Variants in TMEM132B observed in about 807,000 individuals in gnomAD.
TMEM132B encodes transmembrane protein 132B.
A neutral mutation model predicts 90.8 loss-of-function variants in TMEM132B; 18 were observed. The ratio of observed to expected loss-of-function variants is 0.20; its 90% CI spans 0.14 to 0.29. The LOEUF is 0.29. Among genes scored for constraint, TMEM132B ranks in the 10% least tolerant of loss-of-function variants. The probability of loss-of-function intolerance (pLI) is 1.00; values close to 1 mark genes in which losing one functional copy is unlikely to be tolerated. For missense variants in TMEM132B, 1,096 were observed against 1,326.8 expected, an observed-to-expected ratio of 0.83 and a Z score of 2.70; for synonymous variants, 504 against 523.3, an observed-to-expected ratio of 0.96 and a Z score of 0.50.
chr12:125,630,819 T>G, intron 5 of TMEM132B, among the ~76,000 whole-genome samples: 1 of 152,132 alleles, frequency 6.6e-6, no homozygotes, highest in East Asian at 1.9e-4. Context: ...TAGCTGACAC[T>G]TATAAGTGAG....
intron 1 of TMEM132B, among the ~76,000 whole-genome samples, chr12:125,272,061 C>G (rs1010057309): frequency 3.3e-5 from 5 of 152,206 alleles, no homozygotes; most frequent in African/African-American, 9.7e-5. Context: ...TGCTGTCTCC[C>G]GTCTAACAAG....
At chr12:125,205,962 G>A (rs907641481) in intron 1 of TMEM132B, among the ~76,000 whole-genome samples, 3 of 152,148 alleles carry the variant, frequency 2.0e-5, no homozygotes, top group Non-Finnish European at 4.4e-5. Flanking sequence ...TTAAGTCACC[G>A]AAAATGCCTC....
intron 4 of TMEM132B, among the ~76,000 whole-genome samples, chr12:125,549,329 G>T (rs1210158495): frequency 6.6e-6 from 1 of 152,222 alleles, no homozygotes; most frequent in Non-Finnish European, 1.5e-5. Context: ...CACGCTCTGA[G>T]GTCTCTAGAA....
At chr12:125,620,739 C>A (rs1363603847) in intron 5 of TMEM132B, among the ~76,000 whole-genome samples, 2 of 152,188 alleles carry the variant, frequency 1.3e-5, no homozygotes, top group African/African-American at 4.8e-5. Context: ...GCAAACAAAT[C>A]CTTCTTCACA....
chr12:125,334,995 C>T (rs756228204), intron 1 of TMEM132B, among the ~76,000 whole-genome samples: 34 of 152,184 alleles, frequency 2.2e-4, no homozygotes, highest in Non-Finnish European at 3.4e-4. Context: ...TGTCCCTGCC[C>T]GCTGAGATCA....
intron 1 of TMEM132B, among the ~76,000 whole-genome samples, chr12:125,285,793 C>T (rs372175108): frequency 2.5e-4 from 38 of 152,312 alleles, no homozygotes; most frequent in African/African-American, 8.4e-4. Flanking sequence ...TGGGGCGTCG[C>T]CAAGTGGCCA....
chr12:125,515,487 TCAC>T (rs1883114798), intron 3 of TMEM132B, among the ~76,000 whole-genome samples: 1 of 90,524 alleles, frequency 1.1e-5, no homozygotes, highest in African/African-American at 3.8e-5. Context: ...ATTGTCACAC[TCAC>T]ACACATACAT....
intron 2 of TMEM132B, among the ~76,000 whole-genome samples, chr12:125,350,695 T>C (rs1387387189): frequency 3.5e-4 from 54 of 152,230 alleles, no homozygotes; most frequent in Admixed American, 3.5e-3. Flanking sequence ...GATTTTATCT[T>C]CCCACAGAGG....
Position 125,345,430 on chromosome 12 carries a change from T to C in TMEM132B, c.68-4022T>C, listed in dbSNP as rs114399264. 8.4e-3 allele frequency among the ~76,000 whole-genome samples: 1,278 copies of C among 152,304 alleles called. 18 individuals are homozygous for C. Among genetic ancestry groups the C allele is most frequent in the African/African-American group, 0.029 (1,215 of 41,568 alleles). ...TCCCACCAGTGCTGACTAAGGTCCATGTCCAGGAATGTTTTTTGTGTGCTA... is the reference window on the plus strand; with the variant it reads ...TCCCACCAGTGCTGACTAAGGTCCACGTCCAGGAATGTTTTTTGTGTGCTA... On this transcript the variant is annotated intron_variant, in intron 1 of 8. Coordinates refer to ENST00000682704, the MANE Select transcript of TMEM132B (RefSeq NM_001366854.1).
intron 7 of TMEM132B, 47 bp from the exon 8 acceptor site, chr12:125,652,394 T>A: frequency 6.6e-7 from 1 of 1,506,100 alleles, no homozygotes; most frequent in South Asian, 1.3e-5. Flanking sequence ...GGATTCATGG[T>A]GCTCATGAGG....
chr12:125,322,209 A>G (rs1469236893), intron 1 of TMEM132B, among the ~76,000 whole-genome samples: 1 of 152,188 alleles, frequency 6.6e-6, no homozygotes, highest in Non-Finnish European at 1.5e-5. Flanking sequence ...GTGACAGTGA[A>G]TAAATCTCAC....
chr12:125,373,578 TACGG>T (rs1235871829), intron 2 of TMEM132B, among the ~76,000 whole-genome samples: 28 of 152,114 alleles, frequency 1.8e-4, no homozygotes, highest in Non-Finnish European at 3.1e-4. Context: ...GCCCCCAGTC[TACGG>T]TACTTCGTAT....
At position 125,260,574 on chromosome 12, in the gene TMEM132B, C is replaced by T. The variant is rs186040652; in HGVS notation, c.67+73708C>T. Among the ~76,000 whole-genome samples, 45 of 150,364 alleles carry T rather than the reference C, an allele frequency of 3.0e-4. 1 individual carries two copies. The highest frequency in any genetic ancestry group is 1.1e-3 in the African/African-American group (44 of 41,004). On this transcript the variant is annotated intron_variant, in intron 1 of 8. Coordinates refer to ENST00000682704, the MANE Select transcript of TMEM132B (RefSeq NM_001366854.1). ...ATGTTGCCCAGGCTGGTCTCAAACTCCTGGCCTTCTGCCTCAGCTTCCCAA... is the reference window on the plus strand; with the variant it reads ...ATGTTGCCCAGGCTGGTCTCAAACTTCTGGCCTTCTGCCTCAGCTTCCCAA...
intron 3 of TMEM132B, among the ~76,000 whole-genome samples, chr12:125,503,170 C>A (rs1342427327): frequency 6.6e-6 from 1 of 152,168 alleles, no homozygotes; most frequent in Non-Finnish European, 1.5e-5. Flanking sequence ...AGGTTCAGAT[C>A]TGAGAGAGGA....
chr12:125,579,224 T>C (rs1884998735), intron 4 of TMEM132B, among the ~76,000 whole-genome samples: 1 of 152,228 alleles, frequency 6.6e-6, no homozygotes, highest in African/African-American at 2.4e-5. Context: ...TCTGCTCAAA[T>C]CTGCTGTTGA....
At chr12:125,489,920 A>C (rs1023587056) in intron 3 of TMEM132B, among the ~76,000 whole-genome samples, 4 of 152,196 alleles carry the variant, frequency 2.6e-5, no homozygotes, top group African/African-American at 9.6e-5. Context: ...AAAAACTTCT[A>C]AGAATTTTGG....
chr12:125,489,902 A>G (rs1461436404), intron 3 of TMEM132B, among the ~76,000 whole-genome samples: 1 of 152,242 alleles, frequency 6.6e-6, no homozygotes, highest in Admixed American at 6.5e-5. Flanking sequence ...CAGAGGCAGA[A>G]TATACATAAA....
chr12:125,349,388 A>G lies in TMEM132B; in HGVS notation c.68-64A>G. On this transcript the variant is annotated intron_variant, in intron 1 of 8. Transcript: ENST00000682704. This position sits in a 1 kb window ranked among gnomAD's most constrained non-coding sequence, Gnocchi z 4.1. ...TGTTGGGGAGGTGGGTGGAGACTGC[A>G]CTGCATTTATTTCATTACATCTCAG... 1 of 1,532,306 alleles carries G rather than the reference A, an allele frequency of 6.5e-7. No homozygotes were observed. Among genetic ancestry groups the G allele is most frequent in the Non-Finnish European group, 8.8e-7 (1 of 1,139,000 alleles). 94.9% of individuals were successfully genotyped at this position (1,532,306 alleles called of 1,614,324 possible). A position where few individuals can be genotyped will look rare whatever the true frequency, so the allele number is the denominator to read the frequency against.
chr12:125,490,071 T>C lies in TMEM132B; in HGVS notation c.1107-29368T>C, dbSNP rs58093936. ...TTCCACGTATGATGTTTTAGTTATG[T>C]TGGGGGGAGTTACTCCAGAGATTAA... On this transcript the variant is annotated intron_variant, in intron 3 of 8. Transcript: ENST00000682704. The surrounding 1 kb of genome is among the most constrained non-coding windows in gnomAD (Gnocchi z 4.2). Among the ~76,000 whole-genome samples, 992 of 152,352 alleles carry C rather than the reference T, an allele frequency of 6.5e-3. 11 individuals carry two copies. Among genetic ancestry groups the C allele is most frequent in the African/African-American group, 0.023 (948 of 41,582 alleles).
Sources: gnomAD v4.1 joint callset for allele counts (sites outside exome capture counted in the v4.1 genomes callset) on GRCh38, gnomAD v4.1.1 for gene constraint, Gnocchi (gnomAD v3.1) non-coding constraint, MANE v1.5 for transcripts, NCBI Gene and HGNC (gene_info 2026-07-23, HGNC 2026-07-21) for gene names.